Variants in SRPK1 observed in about 807,000 individuals in gnomAD.
SRPK1 encodes SFRS protein kinase 1.
A neutral mutation model predicts 89.5 loss-of-function variants in SRPK1; 52 were observed. That is an observed-to-expected ratio of 0.58 (90% CI 0.46 to 0.73). The LOEUF is 0.73. SRPK1 is among the 30% of genes least tolerant of loss of function. The pLI, the probability that SRPK1 is intolerant of heterozygous loss-of-function variation, is 0.00. For synonymous variants in SRPK1, 255 were observed against 270.2 expected (o/e 0.94, Z 0.55); for missense variants, 603 against 780.6 (o/e 0.77, Z 2.71).
chr6:35,905,666 G>C (rs1229675759), intron 2 of SRPK1, among the ~76,000 whole-genome samples: 1 of 152,156 alleles, frequency 6.6e-6, no homozygotes, highest in Non-Finnish European at 1.5e-5. Flanking sequence ...CAAAAATTGT[G>C]ATCTTCTTTA....
chr6:35,848,504 CTG>C (rs1769470964), intron 13 of SRPK1, among the ~76,000 whole-genome samples: 1 of 152,224 alleles, frequency 6.6e-6, no homozygotes, highest in Non-Finnish European at 1.5e-5. Flanking sequence ...CTGAAGAGAG[CTG>C]TGATTGCGCC....
At chr6:35,891,485 C>T (rs1322980292) in intron 2 of SRPK1, among the ~76,000 whole-genome samples, 8 of 152,028 alleles carry the variant, frequency 5.3e-5, no homozygotes, top group South Asian at 2.1e-4. Flanking sequence ...TTTGGGAGGC[C>T]GAGGTGGGTG....
rs1770002225 is a variant in SRPK1 at position 35,870,278 on chromosome 6, T to C, written c.991+3A>G. On this transcript the variant is annotated splice_donor_region_variant and intron_variant, in intron 10 of 15. Transcript: ENST00000373825. ...AGTAATTTTCGTGATGTTCTATTTA[T>C]ACCAAGTTTTTCTTGGGTCATTTTA... is the stretch of plus-strand genomic sequence containing the variant. The C allele has an allele frequency of 1.9e-6, 3 of 1,610,676 alleles. No individual in the cohort carries two copies. The highest frequency in any genetic ancestry group is 1.7e-5 in the Admixed American group (1 of 59,452).
chr6:35,852,100 T>G (rs1048968058), intron 13 of SRPK1, among the ~76,000 whole-genome samples: 5 of 152,196 alleles, frequency 3.3e-5, no homozygotes, highest in Non-Finnish European at 5.9e-5. Context: ...GGGGTTACAA[T>G]GAAGGTCCTA....
chr6:35,841,031 T>C (rs1337001375), intron 14 of SRPK1, among the ~76,000 whole-genome samples: 1 of 152,166 alleles, frequency 6.6e-6, no homozygotes, highest in Non-Finnish European at 1.5e-5. Context: ...CTACCATTTA[T>C]GGAGAATCTA....
At chr6:35,901,199 G>A (rs978070694) in intron 2 of SRPK1, among the ~76,000 whole-genome samples, 3 of 152,172 alleles carry the variant, frequency 2.0e-5, no homozygotes, top group Non-Finnish European at 4.4e-5. Flanking sequence ...AGAAAGATAC[G>A]TTGGAGTGCT....
chr6:35,843,431 C>T (rs1241341521), intron 13 of SRPK1, among the ~76,000 whole-genome samples: 1 of 151,958 alleles, frequency 6.6e-6, no homozygotes, highest in East Asian at 1.9e-4. Context: ...TAGATTGTCC[C>T]AGATGGGAAG....
chr6:35,915,995 TATACACACACACACACAC>T (rs1370652536), intron 2 of SRPK1, among the ~76,000 whole-genome samples: 41 of 54,644 alleles, frequency 7.5e-4, no homozygotes, highest in East Asian at 2.5e-3. Flanking sequence ...AAAAAAAATA[TATACACACACACACACAC>T]ACACACACAC....
chr6:35,868,835 C>T (rs1167821691), intron 12 of SRPK1, among the ~76,000 whole-genome samples, 175 bp downstream of exon 12: 5 of 151,992 alleles, frequency 3.3e-5, no homozygotes, highest in Admixed American at 6.6e-5. Context: ...ATTCTACTTT[C>T]GTAAGTATAT....
chr6:35,858,575 G>C (rs1206763745), intron 12 of SRPK1, among the ~76,000 whole-genome samples: 16 of 152,160 alleles, frequency 1.1e-4, no homozygotes, highest in South Asian at 6.2e-4. Flanking sequence ...ACGACATTCT[G>C]AAAGAAAATG....
intron 13 of SRPK1, among the ~76,000 whole-genome samples, chr6:35,848,192 T>C (rs111652109): frequency 0.011 from 1,657 of 152,206 alleles, 18 homozygotes; most frequent in Middle Eastern, 0.031. Context: ...TTCATAGAAA[T>C]AGAAAAAACA....
intron 12 of SRPK1, among the ~76,000 whole-genome samples, chr6:35,858,495 A>G (rs1011270290): frequency 6.6e-6 from 1 of 152,196 alleles, no homozygotes; most frequent in African/African-American, 2.4e-5. Context: ...AGTTTCATAT[A>G]AAGATCAAGA....
chr6:35,838,753 C>T (rs778533788), intron 14 of SRPK1: 285 of 1,398,172 alleles, frequency 2.0e-4, no homozygotes, highest in Non-Finnish European at 2.6e-4. Flanking sequence ...GAGGGAAAAG[C>T]GTCTTGGAAT....
intron 14 of SRPK1, chr6:35,838,729 G>C: frequency 7.0e-7 from 1 of 1,423,984 alleles, no homozygotes; most frequent in South Asian, 1.1e-5. Flanking sequence ...GAAGTCTTGT[G>C]AATATTTCCC....
At chr6:35,853,939 T>C (rs1188803285) in intron 13 of SRPK1, among the ~76,000 whole-genome samples, 4 of 151,990 alleles carry the variant, frequency 2.6e-5, no homozygotes, top group Non-Finnish European at 4.4e-5. Context: ...CACAAATATT[T>C]TCCCCTTTCC....
chr6:35,892,697 A>C (rs1283236213), intron 2 of SRPK1, among the ~76,000 whole-genome samples: 1 of 151,828 alleles, frequency 6.6e-6, no homozygotes, highest in Non-Finnish European at 1.5e-5. Flanking sequence ...AACGACAACA[A>C]CACAAAACAA....
In SRPK1 at chr6:35,870,972, GA is replaced by G. The variant is rs772772147; in HGVS notation, c.752-14del. 5.0e-6 allele frequency: 8 copies of G among 1,605,080 alleles called. No homozygotes were observed. Among genetic ancestry groups the G allele is most frequent in the Non-Finnish European group, 4.3e-6 (5 of 1,174,868 alleles). ...GGAGCAGTACTGACTGAAAAGAAAAGAAAACCAAGTAAGAATTCTGGCATTC... is the reference window on the plus strand; with the variant it reads ...GGAGCAGTACTGACTGAAAAGAAAAGAAACCAAGTAAGAATTCTGGCATTC... On this transcript the variant is annotated splice_polypyrimidine_tract_variant and intron_variant, in intron 8 of 15. Transcript: ENST00000373825.
At chr6:35,881,179 G>A (rs531648132) in intron 6 of SRPK1, among the ~76,000 whole-genome samples, 34 of 152,240 alleles carry the variant, frequency 2.2e-4, no homozygotes, top group African/African-American at 8.2e-4. Context: ...ATGTGCCCTG[G>A]AAATGGTCAA....
intron 6 of SRPK1, among the ~76,000 whole-genome samples, chr6:35,876,005 A>T (rs1027953638): frequency 6.6e-6 from 1 of 151,546 alleles, no homozygotes; most frequent in Admixed American, 6.6e-5. Flanking sequence ...AAACACGGTT[A>T]ACCTGAATTT....
Sources: allele counts gnomAD v4.1 joint callset (sites outside exome capture counted in the v4.1 genomes callset), GRCh38; gene constraint gnomAD v4.1.1; transcripts MANE v1.5; gene names NCBI Gene and HGNC (gene_info 2026-07-23, HGNC 2026-07-21).